The following DYM variants were observed in gnomAD, a reference collection of about 807,000 sequenced individuals.
DYM encodes the protein dymeclin, also known as dyggve-Melchior-Clausen syndrome protein.
A neutral mutation model predicts 93.1 loss-of-function variants in DYM; 78 were observed. The observed-to-expected ratio is 0.84, with a 90% CI of 0.70 to 1.01. DYM has a LOEUF of 1.01. Among genes scored for constraint, DYM ranks in the 50% least tolerant of loss-of-function variants. The probability of loss-of-function intolerance (pLI) is 0.00; values close to 1 mark genes in which losing one functional copy is unlikely to be tolerated. For synonymous variants in DYM, 321 were observed against 319.7 expected, an observed-to-expected ratio of 1.00 and a Z score of -0.04; for missense variants, 789 against 845.0, an observed-to-expected ratio of 0.93 and a Z score of 0.82.
intron 6 of DYM, among the ~76,000 whole-genome samples, chr18:49,359,407 T>C (rs992233117): frequency 6.6e-6 from 1 of 152,170 alleles, no homozygotes; most frequent in Non-Finnish European, 1.5e-5. Context: ...CTCCGTGAAT[T>C]AATATTTTAT....
chr18:49,404,048 C>A (rs1343982880), intron 2 of DYM, among the ~76,000 whole-genome samples: 1 of 151,922 alleles, frequency 6.6e-6, no homozygotes, highest in Non-Finnish European at 1.5e-5. Flanking sequence ...CTTTCTGTCA[C>A]CCAGGCTGGA....
At chr18:49,088,292 T>C (rs1288551022) in intron 17 of DYM, among the ~76,000 whole-genome samples, 2 of 152,286 alleles carry the variant, frequency 1.3e-5, no homozygotes, top group African/African-American at 4.8e-5. Context: ...AATTTTTGTA[T>C]AAGGTGTAAG....
intron 8 of DYM, among the ~76,000 whole-genome samples, chr18:49,292,611 A>C (rs1321847920): frequency 1.6e-4 from 22 of 140,444 alleles, no homozygotes; most frequent in East Asian, 8.0e-4. Flanking sequence ...AAAAAAAAAA[A>C]AAAAAAAAAA....
At chr18:49,098,044 G>A (rs1008179100) in intron 16 of DYM, among the ~76,000 whole-genome samples, 1 of 151,994 alleles carries the variant, frequency 6.6e-6, no homozygotes, top group Non-Finnish European at 1.5e-5. Context: ...AATTACTTTT[G>A]CTTCATGTTA....
chr18:49,115,125 C>T (rs2081806846), intron 16 of DYM, among the ~76,000 whole-genome samples: 1 of 152,056 alleles, frequency 6.6e-6, no homozygotes, highest in Non-Finnish European at 1.5e-5. Context: ...TGAAATATAC[C>T]TCATGGTTTA....
chr18:49,354,601 C>T (rs1355585314), intron 6 of DYM, among the ~76,000 whole-genome samples: 1 of 151,908 alleles, frequency 6.6e-6, no homozygotes, highest in Non-Finnish European at 1.5e-5. Flanking sequence ...AAGAACACAA[C>T]CCAATTAAAA....
chr18:49,376,818 T>C (rs2067548242), intron 5 of DYM, among the ~76,000 whole-genome samples: 1 of 152,214 alleles, frequency 6.6e-6, no homozygotes, highest in Non-Finnish European at 1.5e-5. Context: ...AAGAAGAATG[T>C]CCTTTTCTAA....
chr18:49,094,068 A>G (rs1313749760), intron 17 of DYM, among the ~76,000 whole-genome samples: 3 of 152,226 alleles, frequency 2.0e-5, no homozygotes, highest in East Asian at 1.9e-4. Flanking sequence ...TATTTACACT[A>G]AAAGATAAGT....
intron 1 of DYM, among the ~76,000 whole-genome samples, chr18:49,438,689 C>G (rs954635159): frequency 2.0e-5 from 3 of 152,174 alleles, no homozygotes; most frequent in Non-Finnish European, 4.4e-5. Flanking sequence ...CTGCTAGGAA[C>G]AGAGTGAAGG....
intron 2 of DYM, among the ~76,000 whole-genome samples, chr18:49,425,581 A>C (rs1404866959): frequency 1.1e-4 from 17 of 152,162 alleles, no homozygotes; most frequent in Admixed American, 4.6e-4. Context: ...GCACAGCAAA[A>C]GAAACTACCA....
chr18:49,434,401 T>G (rs1467854151), intron 1 of DYM, among the ~76,000 whole-genome samples: 1 of 150,496 alleles, frequency 6.6e-6, no homozygotes, highest in East Asian at 2.0e-4. Context: ...GTACCTGTAA[T>G]CCCAGCTACT....
At chr18:49,403,674 A>G (rs985526079) in intron 2 of DYM, among the ~76,000 whole-genome samples, 2 of 152,192 alleles carry the variant, frequency 1.3e-5, no homozygotes, top group African/African-American at 4.8e-5. Context: ...GATTTGGGAT[A>G]TGAATGATTC....
chr18:49,045,756 G>GC (rs1275052044), intron 17 of DYM, among the ~76,000 whole-genome samples: 1 of 152,102 alleles, frequency 6.6e-6, no homozygotes, highest in Admixed American at 6.6e-5. Context: ...CCCCTGGAGG[G>GC]CCCCGCACAG....
intron 2 of DYM, among the ~76,000 whole-genome samples, chr18:49,405,102 T>C (rs897862586): frequency 1.3e-5 from 2 of 152,194 alleles, no homozygotes; most frequent in African/African-American, 2.4e-5. Flanking sequence ...TATTTGGTTT[T>C]TGCTTGTTGA....
intron 16 of DYM, among the ~76,000 whole-genome samples, chr18:49,103,125 G>C (rs1018830075): frequency 1.1e-4 from 17 of 152,162 alleles, no homozygotes. Flanking sequence ...GTGTGAGATG[G>C]TATCTCATTG....
chr18:49,160,810 A>G (rs908311571), intron 15 of DYM, among the ~76,000 whole-genome samples: 3 of 152,226 alleles, frequency 2.0e-5, no homozygotes, highest in Non-Finnish European at 4.4e-5. Flanking sequence ...TCAAATGTGT[A>G]AATCACTTAT....
At chr18:49,099,186 T>G (rs544418339) in intron 16 of DYM, among the ~76,000 whole-genome samples, 21 of 152,342 alleles carry the variant, frequency 1.4e-4, no homozygotes, top group African/African-American at 5.0e-4. Flanking sequence ...ATGTTACATA[T>G]GCTTTAGGCT....
At chr18:49,154,291 G>A (rs886971745) in intron 15 of DYM, among the ~76,000 whole-genome samples, 1 of 152,098 alleles carries the variant, frequency 6.6e-6, no homozygotes, top group African/African-American at 2.4e-5. Flanking sequence ...TGTTATTAAA[G>A]TTAACAGTAA....
At chr18:49,142,151 G>A (rs900314344) in intron 15 of DYM, among the ~76,000 whole-genome samples, 4 of 151,926 alleles carry the variant, frequency 2.6e-5, no homozygotes, top group African/African-American at 4.8e-5. Flanking sequence ...GTGAGCCACC[G>A]CGCCTGGCCA....
Sources: gnomAD v4.1 joint callset for allele counts (sites outside exome capture counted in the v4.1 genomes callset) on GRCh38, gnomAD v4.1.1 for gene constraint, MANE v1.5 for transcripts, NCBI Gene and HGNC (gene_info 2026-07-23, HGNC 2026-07-21) for gene names.